The following GALNT1 variants were observed in gnomAD, a reference collection of about 807,000 sequenced individuals.
GALNT1 encodes the protein polypeptide N-acetylgalactosaminyltransferase 1.
Under a neutral mutation model 65.7 loss-of-function variants are expected in GALNT1, and 17 were observed. That is an observed-to-expected ratio of 0.26 (90% CI 0.18 to 0.39). The LOEUF (loss-of-function observed/expected upper bound fraction) is 0.39, where lower values mean the gene tolerates loss of function less well. Among genes scored for constraint, GALNT1 ranks in the 10% least tolerant of loss-of-function variants. The pLI, the probability that GALNT1 is intolerant of heterozygous loss-of-function variation, is 1.00. For missense variants in GALNT1, 460 were observed against 672.8 expected (o/e 0.68, Z 3.50); for synonymous variants, 210 against 219.7 (o/e 0.96, Z 0.39).
intron 6 of GALNT1, among the ~76,000 whole-genome samples, chr18:35,688,633 C>T (rs902698388): frequency 2.0e-5 from 3 of 152,136 alleles, no homozygotes; most frequent in African/African-American, 7.2e-5. Context: ...GTCTCCTCTC[C>T]TTAAAGATTT....
chr18:35,588,360 T>G (rs1598778077), intron 1 of GALNT1, among the ~76,000 whole-genome samples: 2 of 152,198 alleles, frequency 1.3e-5, no homozygotes, highest in South Asian at 4.1e-4. Context: ...GTTCTCAGGA[T>G]TTTTTCTTCG....
chr18:35,612,062 G>T (rs1462108031), intron 1 of GALNT1, among the ~76,000 whole-genome samples: 1 of 152,048 alleles, frequency 6.6e-6, no homozygotes, highest in Non-Finnish European at 1.5e-5. Context: ...ATATCACAGT[G>T]TTTATATAAA....
At chr18:35,630,124 G>C (rs1364774465) in intron 1 of GALNT1, among the ~76,000 whole-genome samples, 1 of 151,998 alleles carries the variant, frequency 6.6e-6, no homozygotes, top group Non-Finnish European at 1.5e-5. Flanking sequence ...ACACCCCACT[G>C]TCAACATTAG....
intron 3 of GALNT1, among the ~76,000 whole-genome samples, chr18:35,668,252 C>A (rs914938486): frequency 1.3e-5 from 2 of 151,660 alleles, no homozygotes; most frequent in African/African-American, 4.8e-5. Flanking sequence ...GTCAAAAGTT[C>A]ATGGGAAAAA....
chr18:35,643,434 G>C (rs557612846), intron 1 of GALNT1, among the ~76,000 whole-genome samples: 71 of 152,228 alleles, frequency 4.7e-4, no homozygotes, highest in African/African-American at 1.6e-3. Context: ...TTAAGTACTT[G>C]AGTCTAAATA....
intron 5 of GALNT1, among the ~76,000 whole-genome samples, chr18:35,686,425 G>A (rs1450422881): frequency 6.6e-6 from 1 of 152,218 alleles, no homozygotes; most frequent in Non-Finnish European, 1.5e-5. Context: ...TCAGATCTAA[G>A]GGGGCTTGCC....
At chr18:35,592,625 G>C (rs1279973996) in intron 1 of GALNT1, among the ~76,000 whole-genome samples, 1 of 152,114 alleles carries the variant, frequency 6.6e-6, no homozygotes, top group Non-Finnish European at 1.5e-5. Context: ...CTCTGCTCCT[G>C]ATTTTAAGCA....
rs7233126 is a variant in GALNT1, at chr18:35,707,982, T to C, written c.1534-1642T>C. Among the ~76,000 whole-genome samples the C allele has an allele frequency of 3.5e-3, 538 of 152,334 alleles. 2 individuals are homozygous for C. Among genetic ancestry groups the C allele is most frequent in the African/African-American group, 0.012 (506 of 41,574 alleles). On this transcript the variant is annotated intron_variant, in intron 11 of 11. Coordinates refer to ENST00000269195, the MANE Select transcript of GALNT1 (RefSeq NM_020474.4). ...TTACTCTATAAATGCAAATTACCAT[T>C]GTATGTAAATGTCATTGTACCATTT...
intron 1 of GALNT1, among the ~76,000 whole-genome samples, chr18:35,604,471 A>G (rs901934071): frequency 6.6e-6 from 1 of 152,120 alleles, no homozygotes; most frequent in African/African-American, 2.4e-5. Context: ...TAGTAGTTCT[A>G]AGTTTTTTGA....
chr18:35,632,690 A>T (rs941729228), intron 1 of GALNT1, among the ~76,000 whole-genome samples: 45 of 152,202 alleles, frequency 3.0e-4, no homozygotes, highest in Non-Finnish European at 5.7e-4. Context: ...AAAAGACAAA[A>T]TTGACAAATG....
chr18:35,619,119 G>A (rs1396783593), intron 1 of GALNT1, among the ~76,000 whole-genome samples: 5 of 152,192 alleles, frequency 3.3e-5, no homozygotes, highest in Non-Finnish European at 5.9e-5. Flanking sequence ...TGTGGTACCT[G>A]CGATAAATCT....
At chr18:35,687,294 C>A in intron 6 of GALNT1, 108 bp downstream of exon 6, 2 of 1,021,226 alleles carry the variant, frequency 2.0e-6, no homozygotes, top group Non-Finnish European at 2.9e-6. Flanking sequence ...GTGAAGCATT[C>A]GTATACCTTA....
chr18:35,606,196 C>T (rs1280472577), intron 1 of GALNT1, among the ~76,000 whole-genome samples: 1 of 152,142 alleles, frequency 6.6e-6, no homozygotes, highest in Non-Finnish European at 1.5e-5. Flanking sequence ...AAATTGTGTG[C>T]AGTCTCATAA....
At chr18:35,593,232 T>C (rs1260326945) in intron 1 of GALNT1, among the ~76,000 whole-genome samples, 2 of 152,124 alleles carry the variant, frequency 1.3e-5, no homozygotes, top group East Asian at 1.9e-4. Flanking sequence ...AGGAAACCAA[T>C]AGAGGAGGCC....
intron 1 of GALNT1, among the ~76,000 whole-genome samples, chr18:35,621,512 A>T (rs2046851361): frequency 8.0e-6 from 1 of 125,730 alleles, no homozygotes; most frequent in East Asian, 2.2e-4. Context: ...TTTGGTTTGT[A>T]GAAGTTTTTA....
At chr18:35,635,643 A>G (rs1598790886) in intron 1 of GALNT1, among the ~76,000 whole-genome samples, 1 of 152,188 alleles carries the variant, frequency 6.6e-6, no homozygotes, top group Non-Finnish European at 1.5e-5. Context: ...TTAATGCTAG[A>G]TATACTCTTT....
intron 1 of GALNT1, among the ~76,000 whole-genome samples, chr18:35,636,972 G>T (rs2047099292): frequency 6.6e-6 from 1 of 151,656 alleles, no homozygotes; most frequent in South Asian, 2.1e-4. Flanking sequence ...TTTGATTAGT[G>T]ATCTTTGTTG....
At chr18:35,585,807 CT>C (rs1033986841) in intron 1 of GALNT1, among the ~76,000 whole-genome samples, 3 of 152,224 alleles carry the variant, frequency 2.0e-5, no homozygotes, top group African/African-American at 4.8e-5. Context: ...TAATTACTCC[CT>C]TTTCATTGCT....
intron 9 of GALNT1, among the ~76,000 whole-genome samples, chr18:35,701,989 C>A (rs1257501552): frequency 5.9e-5 from 9 of 152,166 alleles, no homozygotes. Flanking sequence ...TAGCATAGAA[C>A]TGACATTACC....
Sources: gnomAD v4.1 joint callset for allele counts (sites outside exome capture counted in the v4.1 genomes callset) on GRCh38, gnomAD v4.1.1 for gene constraint, MANE v1.5 for transcripts, NCBI Gene and HGNC (gene_info 2026-07-23, HGNC 2026-07-21) for gene names.